Variants in CTNNA2 observed in about 807,000 individuals in gnomAD.
CTNNA2 encodes catenin alpha 2, also known as catenin alpha-2.
CTNNA2 carries 42 observed loss-of-function variants against 101.0 expected under a neutral mutation model. That is an observed-to-expected ratio of 0.42 (90% CI 0.32 to 0.54). CTNNA2 has a LOEUF of 0.54. Ranked by LOEUF, CTNNA2 falls within the 20% of genes least tolerant of loss-of-function variation. The pLI is 0.14. For missense variants in CTNNA2, 871 were observed against 1,223.1 expected (o/e 0.71, Z 4.29); for synonymous variants, 450 against 456.4 (o/e 0.99, Z 0.18).
At chr2:79,356,107 TA>T (rs781671470) in intron 3 of CTNNA2, among the ~76,000 whole-genome samples, 15 of 151,392 alleles carry the variant, frequency 9.9e-5, no homozygotes, top group African/African-American at 2.4e-5. Context: ...TATATAATTA[TA>T]AAGAAAAAGT....
chr2:79,761,701 A>G lies in CTNNA2; in HGVS notation c.298+17119A>G, dbSNP rs139122936. Among the ~76,000 whole-genome samples, 19 of 152,322 alleles carry G rather than the reference A, an allele frequency of 1.2e-4. 1 individual carries two copies. The East Asian group carries it at 3.5e-3, about 28-fold the overall frequency. The stretch of plus-strand genomic sequence containing the variant: ...AAGGTCAAAAGGATTAAATATTTAC[A>G]TTCATTAGAATATGATCTTTTGGTG... On this transcript the variant is annotated intron_variant, in intron 3 of 18. Transcript: ENST00000402739.
intron 3 of CTNNA2, among the ~76,000 whole-genome samples, chr2:79,823,476 T>C (rs1266759289): frequency 1.3e-5 from 2 of 151,828 alleles, no homozygotes; most frequent in East Asian, 1.9e-4. Context: ...TGAGATCGCA[T>C]CACTGCACTG....
rs535308795 is a variant in CTNNA2 at position 79,256,228 on chromosome 2, G to C, written c.-405-56481G>C. 5.9e-5 allele frequency among the ~76,000 whole-genome samples: 9 copies of C among 152,234 alleles called. No individual in the cohort carries two copies. The South Asian group carries it at 1.9e-3, about 32-fold the overall frequency. ...TCTGGGAGCCAAAGATGCTGGGGAA[G>C]AAACACACAGATCATCAATTCCCTG... On this transcript the variant is annotated intron_variant, in intron 2 of 21. Transcript: ENST00000466387.
chr2:79,485,284 C>G (rs1413598098), intron 4 of CTNNA2, among the ~76,000 whole-genome samples: 1 of 151,994 alleles, frequency 6.6e-6, no homozygotes, highest in Admixed American at 6.6e-5. Flanking sequence ...TGCAATTTAT[C>G]TGGGGACTGT....
chr2:80,496,127 A>G (rs897560506), intron 9 of CTNNA2, among the ~76,000 whole-genome samples: 4 of 152,030 alleles, frequency 2.6e-5, no homozygotes, highest in African/African-American at 9.7e-5. Context: ...TAGGTTTCGG[A>G]GAGAACATAG....
intron 4 of CTNNA2, among the ~76,000 whole-genome samples, chr2:79,442,860 C>T (rs1678791194): frequency 6.6e-6 from 1 of 152,094 alleles, no homozygotes; most frequent in Non-Finnish European, 1.5e-5. Flanking sequence ...AGGGCTTGGC[C>T]TTCCTGCAGT....
rs933627132 is a variant in CTNNA2 at position 79,552,378 on chromosome 2, C to T, written c.-6+39171C>T. ...TGGGAGCCCCCTTGGCTGCTTCCAC[C>T]GGTTGGCATTGAGTGTCTGCAGCTA... On this transcript the variant is annotated intron_variant, in intron 1 of 18. Transcript: ENST00000402739. Among the ~76,000 whole-genome samples the T allele has an allele frequency of 9.2e-5, 14 of 152,250 alleles. 1 individual carries two copies. The highest frequency in any genetic ancestry group is 6.8e-3 in the Middle Eastern group (2 of 294).
chr2:79,975,511 G>A (rs1383138189), intron 7 of CTNNA2, among the ~76,000 whole-genome samples: 2 of 152,020 alleles, frequency 1.3e-5, no homozygotes, highest in Non-Finnish European at 2.9e-5. Flanking sequence ...GATCCTACAG[G>A]TTGAGGGCTC....
At chr2:79,944,361 A>G (rs1476489641) in intron 7 of CTNNA2, among the ~76,000 whole-genome samples, 1 of 152,236 alleles carries the variant, frequency 6.6e-6, no homozygotes, top group Non-Finnish European at 1.5e-5. Flanking sequence ...TTATTAATTC[A>G]GTAAACAAGT....
At chr2:79,195,216 C>T (rs902787253) in intron 1 of CTNNA2, among the ~76,000 whole-genome samples, 5 of 152,208 alleles carry the variant, frequency 3.3e-5, no homozygotes, top group Non-Finnish European at 1.5e-5. Context: ...GCCTCTTTCA[C>T]ATCATGGCAG....
At chr2:79,526,184 T>C (rs1672395202) in intron 1 of CTNNA2, among the ~76,000 whole-genome samples, 1 of 152,054 alleles carries the variant, frequency 6.6e-6, no homozygotes, top group Non-Finnish European at 1.5e-5. Flanking sequence ...ATAAAATGTT[T>C]CAACTGGTAA....
intron 9 of CTNNA2, among the ~76,000 whole-genome samples, chr2:80,448,293 A>G (rs1368546131): frequency 6.6e-6 from 1 of 152,214 alleles, no homozygotes; most frequent in Non-Finnish European, 1.5e-5. Flanking sequence ...TTTTAGGGTG[A>G]TGCTTAGCAA....
chr2:79,817,122 G>T (rs1677570392), intron 3 of CTNNA2, among the ~76,000 whole-genome samples: 1 of 151,750 alleles, frequency 6.6e-6, no homozygotes, highest in Non-Finnish European at 1.5e-5. Flanking sequence ...TGCCATGTTG[G>T]TGTGCTGCAC....
intron 2 of CTNNA2, among the ~76,000 whole-genome samples, chr2:79,242,196 G>A (rs1348412079): frequency 2.0e-5 from 3 of 151,986 alleles, no homozygotes; most frequent in Non-Finnish European, 2.9e-5. Flanking sequence ...TTGAGCCACC[G>A]CGCCTGGCAC....
At chr2:80,133,418 C>A (rs536991091) in intron 7 of CTNNA2, among the ~76,000 whole-genome samples, 9 of 151,700 alleles carry the variant, frequency 5.9e-5, no homozygotes, top group African/African-American at 2.2e-4. Context: ...AACAAACAAA[C>A]AAAAAACAAG....
In CTNNA2 at chr2:79,874,206, A is replaced by G; in HGVS notation, c.716A>G (p.Asn239Ser). ...RHPDVAATRA[N>S]RDYVFKQVQE... The stretch of plus-strand genomic sequence containing the variant: ...CCAGATGTCGCCGCTACGAGAGCCA[A>G]CCGAGATTATGTGTTCAAACAAGTC... The change falls in exon 6 of 19, where the codon AAC (asparagine) becomes AGC (serine). Residue 239 changes from asparagine to serine, a missense_variant. By Grantham distance (46) the Asn-to-Ser change is conservative. Transcript: ENST00000402739. 6.2e-7 allele frequency: 1 copy of G among 1,614,106 alleles called. No homozygotes were observed. The highest frequency in any genetic ancestry group is 8.5e-7 in the Non-Finnish European group (1 of 1,180,024).
chr2:79,706,089 G>A (rs1685340555), intron 2 of CTNNA2, among the ~76,000 whole-genome samples: 1 of 152,060 alleles, frequency 6.6e-6, no homozygotes, highest in African/African-American at 2.4e-5. Context: ...TGTGGGCCAG[G>A]TGCGGTGGCT....
At chr2:80,567,706 C>T (rs1189021229) in intron 12 of CTNNA2, among the ~76,000 whole-genome samples, 1 of 152,100 alleles carries the variant, frequency 6.6e-6, no homozygotes, top group Non-Finnish European at 1.5e-5. Flanking sequence ...TATTTTCTGG[C>T]TCCAATTACT....
intron 7 of CTNNA2, among the ~76,000 whole-genome samples, chr2:80,208,074 T>A (rs1375537091): frequency 6.6e-6 from 1 of 152,100 alleles, no homozygotes; most frequent in African/African-American, 2.4e-5. Flanking sequence ...TTCCAGAAAA[T>A]GTTTATTGCT....
Sources: allele counts gnomAD v4.1 joint callset (sites outside exome capture counted in the v4.1 genomes callset), GRCh38; gene constraint gnomAD v4.1.1; transcripts MANE v1.5; gene names NCBI Gene and HGNC (gene_info 2026-07-23, HGNC 2026-07-21).